Variants in SKAP2 observed in about 807,000 individuals in gnomAD.
The protein encoded by SKAP2 is src kinase associated phosphoprotein 2.
In SKAP2, 28 loss-of-function variants were observed where a neutral mutation model predicts 54.9. The ratio of observed to expected loss-of-function variants is 0.51; its 90% CI spans 0.38 to 0.70. The LOEUF is 0.70. Ranked by LOEUF, SKAP2 falls within the 30% of genes least tolerant of loss-of-function variation. The probability of loss-of-function intolerance (pLI) is 0.00; values close to 1 mark genes in which losing one functional copy is unlikely to be tolerated. For missense variants in SKAP2, 356 were observed against 424.1 expected (o/e 0.84, Z 1.41); for synonymous variants, 137 against 134.3 (o/e 1.02, Z -0.14).
At chr7:26,725,638 A>G in intron 8 of SKAP2, 73 bp from the exon 9 acceptor site, 5 of 1,329,982 alleles carry the variant, frequency 3.8e-6, no homozygotes, top group Non-Finnish European at 5.1e-6. Context: ...CTTTATAAAT[A>G]AATGCAGCCC....
At chr7:26,725,610 G>T in intron 8 of SKAP2, 45 bp from the exon 9 acceptor site, 5 of 1,488,664 alleles carry the variant, frequency 3.4e-6, no homozygotes, top group Non-Finnish European at 3.6e-6. Context: ...GAATGCAGAA[G>T]ATATTTTTAA....
At chr7:26,801,294 TA>T (rs1783909334) in intron 4 of SKAP2, among the ~76,000 whole-genome samples, 1 of 152,176 alleles carries the variant, frequency 6.6e-6, no homozygotes, top group Non-Finnish European at 1.5e-5. Context: ...AGGCATTTGA[TA>T]AAATTCAACA....
chr7:26,781,628 C>T (rs1184552711), intron 4 of SKAP2, among the ~76,000 whole-genome samples: 1 of 152,174 alleles, frequency 6.6e-6, no homozygotes, highest in African/African-American at 2.4e-5. Flanking sequence ...TTCATTTAAA[C>T]AGTGAATCAG....
intron 4 of SKAP2, among the ~76,000 whole-genome samples, chr7:26,817,739 T>A (rs1433084232): frequency 2.0e-5 from 3 of 152,106 alleles, no homozygotes; most frequent in Admixed American, 6.5e-5. Flanking sequence ...TTCAGCAAAG[T>A]CTCAGGATAC....
chr7:26,702,255 T>A (rs573728764), intron 9 of SKAP2, among the ~76,000 whole-genome samples: 1 of 152,082 alleles, frequency 6.6e-6, no homozygotes, highest in Non-Finnish European at 1.5e-5. Context: ...CCCAGGCTCA[T>A]GTGATCCTCC....
intron 9 of SKAP2, among the ~76,000 whole-genome samples, chr7:26,704,841 C>T (rs924619931): frequency 3.3e-5 from 5 of 152,118 alleles, no homozygotes; most frequent in African/African-American, 1.2e-4. Context: ...GCTCAAAAAC[C>T]AACACACTTG....
At chr7:26,728,811 A>T (rs1181840316) in intron 6 of SKAP2, among the ~76,000 whole-genome samples, 1 of 152,146 alleles carries the variant, frequency 6.6e-6, no homozygotes, top group Non-Finnish European at 1.5e-5. Flanking sequence ...AACTCTCCAG[A>T]AGAAAGAGAA....
At chr7:26,826,801 A>G (rs1427465198) in intron 4 of SKAP2, among the ~76,000 whole-genome samples, 1 of 152,186 alleles carries the variant, frequency 6.6e-6, no homozygotes, top group Non-Finnish European at 1.5e-5. Flanking sequence ...TAATCATTTT[A>G]TTCTCCCAAG....
chr7:26,775,109 A>G (rs1783275748), intron 4 of SKAP2, among the ~76,000 whole-genome samples: 1 of 152,046 alleles, frequency 6.6e-6, no homozygotes, highest in African/African-American at 2.4e-5. Flanking sequence ...TCAAGAGGCA[A>G]CTCTCTTCGC....
At chr7:26,740,792 C>G (rs1256760380) in intron 4 of SKAP2, among the ~76,000 whole-genome samples, 1 of 152,002 alleles carries the variant, frequency 6.6e-6, no homozygotes, top group Non-Finnish European at 1.5e-5. Flanking sequence ...TCGAGACCAG[C>G]CTGGCCAACA....
chr7:26,813,422 T>C (rs1784198775), intron 4 of SKAP2, among the ~76,000 whole-genome samples: 1 of 152,176 alleles, frequency 6.6e-6, no homozygotes, highest in South Asian at 2.1e-4. Flanking sequence ...ACAAAAATGG[T>C]TATAAGCTTG....
downstream of SKAP2, among the ~76,000 whole-genome samples, chr7:26,664,246 A>T (rs1421283851): frequency 6.6e-6 from 1 of 152,208 alleles, no homozygotes; most frequent in Non-Finnish European, 1.5e-5. Flanking sequence ...GAAAATGGTA[A>T]TGAATAACAG....
chr7:26,761,533 A>T (rs1476657268), intron 4 of SKAP2, among the ~76,000 whole-genome samples: 1 of 152,212 alleles, frequency 6.6e-6, no homozygotes, highest in African/African-American at 2.4e-5. Context: ...ATCCTACAAG[A>T]CAACTGGCTC....
chr7:26,709,942 C>T lies in SKAP2; in HGVS notation c.796+15486G>A, dbSNP rs1299311203. Among the ~76,000 whole-genome samples, 7 of 152,088 alleles carry T rather than the reference C, an allele frequency of 4.6e-5. No individual in the cohort carries two copies. In the East Asian group the frequency reaches 1.3e-3, roughly 29 times the overall value. On this transcript the variant is annotated intron_variant, in intron 9 of 12. Transcript: ENST00000345317. ...TCCTAAGTTTATTTGAGACTCTGCC[C>T]ATTGGAATAGTAATGTTAGATTTTA...
At chr7:26,753,694 T>C (rs2127967527) in intron 4 of SKAP2, among the ~76,000 whole-genome samples, 1 of 152,276 alleles carries the variant, frequency 6.6e-6, no homozygotes, top group East Asian at 1.9e-4. Context: ...GTTGCCTGCA[T>C]GTGTTGGTTC....
At chr7:26,738,473 C>G (rs1432409186) in intron 6 of SKAP2, among the ~76,000 whole-genome samples, 1 of 152,036 alleles carries the variant, frequency 6.6e-6, no homozygotes, top group Non-Finnish European at 1.5e-5. Context: ...TCTCACAACC[C>G]TATGTTCTTA....
At chr7:26,685,631 A>C (rs984649777) in intron 10 of SKAP2, among the ~76,000 whole-genome samples, 1 of 152,214 alleles carries the variant, frequency 6.6e-6, no homozygotes, top group Admixed American at 6.6e-5. Context: ...TGATGTGCTC[A>C]AACTGCCATA....
At chr7:26,814,990 T>A (rs750816202) in intron 4 of SKAP2, among the ~76,000 whole-genome samples, 12 of 152,294 alleles carry the variant, frequency 7.9e-5, no homozygotes, top group Non-Finnish European at 1.3e-4. Flanking sequence ...TCTTTTTAAT[T>A]ACTGAAACTC....
chr7:26,657,382 C>G, the SKAP2 span, among the ~76,000 whole-genome samples: 1 of 152,154 alleles, frequency 6.6e-6, no homozygotes, highest in African/African-American at 2.4e-5. Context: ...AACCTTCCTG[C>G]TTCCCATCAA....
Sources: gnomAD v4.1 joint callset for allele counts (sites outside exome capture counted in the v4.1 genomes callset) on GRCh38, gnomAD v4.1.1 for gene constraint, MANE v1.5 for transcripts, NCBI Gene and HGNC (gene_info 2026-07-23, HGNC 2026-07-21) for gene names.